Variants in RBMS3 observed in about 807,000 individuals in gnomAD.
RBMS3 encodes RNA binding motif single stranded interacting protein 3.
Under a neutral mutation model 66.8 loss-of-function variants are expected in RBMS3, and 27 were observed. That is an observed-to-expected ratio of 0.40 (90% confidence interval 0.30 to 0.56). RBMS3 has a LOEUF of 0.56. RBMS3 is among the 20% of genes least tolerant of loss of function. The pLI, the probability that RBMS3 is intolerant of heterozygous loss-of-function variation, is 0.40. For missense variants in RBMS3, 513 were observed against 549.5 expected (o/e 0.93, Z 0.66); for synonymous variants, 188 against 183.0 (o/e 1.03, Z -0.22).
At chr3:29,843,434 T>C (rs938288348) in intron 6 of RBMS3, among the ~76,000 whole-genome samples, 4 of 152,206 alleles carry the variant, frequency 2.6e-5, no homozygotes, top group Admixed American at 2.0e-4. Flanking sequence ...TCTTAAAACA[T>C]CGACACTATT....
intron 4 of RBMS3, among the ~76,000 whole-genome samples, chr3:29,727,684 A>G (rs1224127212): frequency 6.6e-6 from 1 of 152,154 alleles, no homozygotes; most frequent in Non-Finnish European, 1.5e-5. Flanking sequence ...TTAGAATGGC[A>G]GTTATTAAAA....
intron 1 of RBMS3, among the ~76,000 whole-genome samples, chr3:29,349,307 C>G (rs186898220): frequency 7.3e-4 from 111 of 152,304 alleles, no homozygotes; most frequent in Non-Finnish European, 1.3e-3. Context: ...TCCTCTGTAA[C>G]CCACATCTTG....
At chr3:29,951,171 A>G (rs1173367735) in intron 12 of RBMS3, among the ~76,000 whole-genome samples, 1 of 151,898 alleles carries the variant, frequency 6.6e-6, no homozygotes, top group African/African-American at 2.4e-5. Flanking sequence ...TAAAAAATAA[A>G]TGAAGAAATA....
At chr3:29,446,890 G>A in intron 2 of RBMS3, among the ~76,000 whole-genome samples, 1 of 141,938 alleles carries the variant, frequency 7.0e-6, no homozygotes, top group Non-Finnish European at 1.5e-5. Context: ...TTTCTTCAAT[G>A]CTTCCATTAA....
At chr3:29,401,879 T>C (rs2039827645) in intron 1 of RBMS3, among the ~76,000 whole-genome samples, 1 of 152,080 alleles carries the variant, frequency 6.6e-6, no homozygotes, top group Non-Finnish European at 1.5e-5. Context: ...GCTATGATGA[T>C]TAATTTTTTA....
intron 6 of RBMS3, among the ~76,000 whole-genome samples, chr3:29,832,610 T>G (rs1264172964): frequency 6.6e-6 from 1 of 152,090 alleles, no homozygotes; most frequent in African/African-American, 2.4e-5. Flanking sequence ...AAGCAAGTAG[T>G]TAGTAAGTGT....
intron 12 of RBMS3, among the ~76,000 whole-genome samples, chr3:29,984,041 G>A (rs1306001186): frequency 6.6e-6 from 1 of 152,080 alleles, no homozygotes; most frequent in African/African-American, 2.4e-5. Flanking sequence ...TCACTTTCCA[G>A]TACACCAGTC....
intron 4 of RBMS3, chr3:29,615,991 G>T (rs552582191): frequency 2.6e-5 from 4 of 152,242 alleles, no homozygotes; most frequent in African/African-American, 7.2e-5. Flanking sequence ...TCAGTTGAGG[G>T]AAAGATAGTC....
chr3:29,779,903 T>A (rs2056569067), intron 6 of RBMS3, among the ~76,000 whole-genome samples: 6 of 150,854 alleles, frequency 4.0e-5, no homozygotes. Flanking sequence ...TTTGAATAAC[T>A]GGTAGACATA....
At chr3:29,457,496 T>C (rs892358199) in intron 2 of RBMS3, among the ~76,000 whole-genome samples, 1 of 152,078 alleles carries the variant, frequency 6.6e-6, no homozygotes, top group Non-Finnish European at 1.5e-5. Context: ...CCGAGGCAGG[T>C]GGATGGCTTG....
intron 14 of RBMS3, among the ~76,000 whole-genome samples, chr3:29,994,379 G>C (rs1484134662): frequency 6.6e-6 from 1 of 152,256 alleles, no homozygotes; most frequent in Non-Finnish European, 1.5e-5. Flanking sequence ...GCCCAGGCTT[G>C]ATTAGGTAAA....
chr3:29,691,475 G>C (rs2149273550), intron 4 of RBMS3, among the ~76,000 whole-genome samples: 1 of 152,168 alleles, frequency 6.6e-6, no homozygotes, highest in Admixed American at 6.5e-5. Flanking sequence ...TTCATGACTT[G>C]TTCGTGGGTT....
chr3:29,640,580 A>G (rs1398316107), intron 4 of RBMS3, among the ~76,000 whole-genome samples: 1 of 151,952 alleles, frequency 6.6e-6, no homozygotes, highest in Non-Finnish European at 1.5e-5. Context: ...GATGTGTTAC[A>G]CAAAATAATT....
intron 3 of RBMS3, among the ~76,000 whole-genome samples, chr3:29,552,487 C>T (rs2046209731): frequency 6.6e-6 from 1 of 152,028 alleles, no homozygotes. Flanking sequence ...TTTTACAATC[C>T]AAGAAGTGTT....
chr3:29,334,450 CGT>C (rs1368210926), intron 1 of RBMS3, among the ~76,000 whole-genome samples: 2 of 151,944 alleles, frequency 1.3e-5, no homozygotes, highest in Non-Finnish European at 2.9e-5. Flanking sequence ...TAAATACTCT[CGT>C]GTCTCTATAT....
At chr3:29,744,834 T>G (rs564105743) in intron 5 of RBMS3, among the ~76,000 whole-genome samples, 1 of 151,428 alleles carries the variant, frequency 6.6e-6, no homozygotes, top group African/African-American at 2.4e-5. Flanking sequence ...ACCTAGCCAA[T>G]AATTGTGTCT....
intron 14 of RBMS3, among the ~76,000 whole-genome samples, chr3:29,997,720 C>G (rs11714184): frequency 1.3e-4 from 19 of 151,750 alleles, no homozygotes; most frequent in Admixed American, 6.6e-4. Flanking sequence ...ATTCAACAAC[C>G]CTTCATGCTA....
rs530876216 is a variant in RBMS3 at position 29,910,160 on chromosome 3, A to G, written c.939+10405A>G. ...CCAATCTATTAAATTCTTATTTCCT[A>G]AAGAAAGAAAATATGCAGCTAAAAT... On this transcript the variant is annotated intron_variant, in intron 10 of 14. Coordinates refer to ENST00000383767, the MANE Select transcript of RBMS3 (RefSeq NM_001003793.3). Among the ~76,000 whole-genome samples, 3 of 152,236 alleles carry G rather than the reference A, an allele frequency of 2.0e-5. No homozygotes were observed. In the East Asian group the frequency reaches 5.8e-4, roughly 29 times the overall value.
chr3:29,837,730 C>G (rs1291596973), intron 6 of RBMS3, among the ~76,000 whole-genome samples: 1 of 116,890 alleles, frequency 8.6e-6, no homozygotes, highest in African/African-American at 3.4e-5. Context: ...AACTGTGAAC[C>G]CTGATGAGGA....
Sources: allele counts gnomAD v4.1 joint callset (sites outside exome capture counted in the v4.1 genomes callset), GRCh38; gene constraint gnomAD v4.1.1; transcripts MANE v1.5; gene names NCBI Gene and HGNC (gene_info 2026-07-23, HGNC 2026-07-21).